COPG2: variants seen among roughly 807,000 people sequenced by gnomAD.
COPG2 encodes the protein coatomer subunit gamma-2.
A neutral mutation model predicts 46.3 loss-of-function variants in COPG2; 37 were observed. The ratio of observed to expected loss-of-function variants is 0.80; its 90% confidence interval spans 0.61 to 1.05. COPG2 has a LOEUF of 1.05. Among genes scored for constraint, COPG2 ranks in the 50% least tolerant of loss-of-function variants. The probability of loss-of-function intolerance (pLI) is 0.00; values close to 1 mark genes in which losing one functional copy is unlikely to be tolerated. For synonymous variants in COPG2, 159 were observed against 129.7 expected, an observed-to-expected ratio of 1.23 and a Z score of -1.53; for missense variants, 427 against 387.8, an observed-to-expected ratio of 1.10 and a Z score of -0.85.
intron 20 of COPG2, among the ~76,000 whole-genome samples, chr7:130,539,387 G>A (rs1799914766): frequency 6.6e-6 from 1 of 152,160 alleles, no homozygotes; most frequent in South Asian, 2.1e-4. Context: ...GGAAGGAAAA[G>A]GCAGCCTAAG....
chr7:130,511,610 C>T (rs1799595892), intron 20 of COPG2: 1 of 518,534 alleles, frequency 1.9e-6, no homozygotes, highest in South Asian at 1.4e-5. Flanking sequence ...TGACACACAT[C>T]AACAGGAAGG....
chr7:130,667,295 C>A (rs1344313667), intron 2 of COPG2, among the ~76,000 whole-genome samples, 187 bp downstream of exon 2: 3 of 152,242 alleles, frequency 2.0e-5, no homozygotes, highest in African/African-American at 7.2e-5. Context: ...CATGTCTTTG[C>A]ATTTCTATAA....
chr7:130,643,431 T>C (rs1481527071), intron 5 of COPG2, among the ~76,000 whole-genome samples: 1 of 152,242 alleles, frequency 6.6e-6, no homozygotes, highest in Admixed American at 6.5e-5. Flanking sequence ...AATGTAAGCA[T>C]GTCAATGCAG....
chr7:130,652,802 T>C (rs1216610802), intron 5 of COPG2, 67 bp downstream of exon 5: 1 of 989,722 alleles, frequency 1.0e-6, no homozygotes, highest in Admixed American at 2.2e-5. Flanking sequence ...GGTCAAAAAA[T>C]GAAATCAACA....
chr7:130,651,054 C>T (rs932907327), intron 5 of COPG2, among the ~76,000 whole-genome samples: 28 of 152,158 alleles, frequency 1.8e-4, no homozygotes, highest in African/African-American at 4.8e-4. Context: ...TTCCATACTA[C>T]TACTGGTTAA....
At chr7:130,529,606 G>A (rs1330101357) in intron 20 of COPG2, among the ~76,000 whole-genome samples, 4 of 152,166 alleles carry the variant, frequency 2.6e-5, no homozygotes, top group Admixed American at 1.3e-4. Flanking sequence ...AGACCACAGA[G>A]GCAGAATGAA....
intron 20 of COPG2, among the ~76,000 whole-genome samples, chr7:130,516,689 G>A (rs962646584): frequency 1.3e-5 from 2 of 152,202 alleles, no homozygotes; most frequent in Non-Finnish European, 2.9e-5. Context: ...ATTAGGAAAT[G>A]AGAGTTGGGA....
chr7:130,580,783 A>C (rs1277725968), intron 9 of COPG2, among the ~76,000 whole-genome samples: 1 of 127,106 alleles, frequency 7.9e-6, no homozygotes, highest in Non-Finnish European at 1.6e-5. Context: ...ACACTCTCCC[A>C]AGACTAAACC....
chr7:130,650,918 C>T (rs1481961287), intron 5 of COPG2, among the ~76,000 whole-genome samples: 1 of 152,164 alleles, frequency 6.6e-6, no homozygotes, highest in Non-Finnish European at 1.5e-5. Context: ...TGAGCCAACA[C>T]CAGCTACTCC....
chr7:130,557,767 A>T (rs1793651172), intron 12 of COPG2, among the ~76,000 whole-genome samples: 1 of 131,452 alleles, frequency 7.6e-6, no homozygotes, highest in Non-Finnish European at 1.6e-5. Flanking sequence ...GAGTGAGCAG[A>T]GATCACGCCG....
chr7:130,523,704 G>A (rs1799747651), intron 20 of COPG2, among the ~76,000 whole-genome samples: 1 of 152,200 alleles, frequency 6.6e-6, no homozygotes, highest in Non-Finnish European at 1.5e-5. Flanking sequence ...GTGAGGCCCA[G>A]AGAAGGGCCC....
At chr7:130,647,744 T>C (rs1463128728) in intron 5 of COPG2, among the ~76,000 whole-genome samples, 3 of 151,802 alleles carry the variant, frequency 2.0e-5, no homozygotes, top group African/African-American at 7.3e-5. Flanking sequence ...TTTTTTTTTT[T>C]TTTCGAGACG....
At chr7:130,509,026 AC>A (rs199649526) in intron 20 of COPG2, 6 of 462,030 alleles carry the variant, frequency 1.3e-5, no homozygotes, top group African/African-American at 6.1e-5. Flanking sequence ...GTAGGACCTG[AC>A]CAAAAAAAAA....
At chr7:130,564,774 T>C (rs1167101867) in intron 9 of COPG2, among the ~76,000 whole-genome samples, 1 of 152,202 alleles carries the variant, frequency 6.6e-6, no homozygotes, top group Non-Finnish European at 1.5e-5. Flanking sequence ...GCCAGCAGCC[T>C]AGCTACAAAA....
intron 5 of COPG2, among the ~76,000 whole-genome samples, chr7:130,641,782 T>C (rs558390246): frequency 2.0e-5 from 3 of 152,196 alleles, no homozygotes; most frequent in African/African-American, 4.8e-5. Context: ...GTATATTTCT[T>C]ACTAAGTGGA....
intron 20 of COPG2, among the ~76,000 whole-genome samples, chr7:130,516,774 T>G (rs1799681584): frequency 6.6e-6 from 1 of 152,182 alleles, no homozygotes; most frequent in Non-Finnish European, 1.5e-5. Flanking sequence ...GGCATAAGGT[T>G]TTGCTGTCCA....
At chr7:130,610,098 G>C (rs1325430469) in intron 9 of COPG2, 1 of 519,118 alleles carries the variant, frequency 1.9e-6, no homozygotes, top group African/African-American at 1.9e-5. Flanking sequence ...CTTGTTTATG[G>C]GTTACATGTC....
rs1390104061 is a variant in COPG2, at chr7:130,507,232, TTTGCAAGAAAATGGAAGGAAAATCTGATG to T, written c.2485+13_2485+41del. 3.8e-6 allele frequency: 3 copies of T among 779,720 alleles called. No homozygotes were observed. The African/African-American group carries it at 5.1e-5, about 13-fold the overall frequency. 48.3% of individuals were successfully genotyped at this position (779,720 alleles called of 1,614,324 possible). A position where few individuals can be genotyped will look rare whatever the true frequency, so the allele number is the denominator to read the frequency against. ...GCCCATCTATATCCTATTATTAAGCTTTGCAAGAAAATGGAAGGAAAATCTGATGGAAGCTTCTTACCTGCCAGATAGAG... is the reference window on the plus strand; with the variant it reads ...GCCCATCTATATCCTATTATTAAGCTGAAGCTTCTTACCTGCCAGATAGAG... On this transcript the variant is annotated intron_variant, in intron 23 of 23. Coordinates refer to ENST00000425248, the MANE Select transcript of COPG2 (RefSeq NM_012133.6).
chr7:130,666,840 A>G lies in COPG2; in HGVS notation c.171+9T>C, dbSNP rs571064492. 1 of 1,295,322 alleles carries G rather than the reference A, an allele frequency of 7.7e-7. No homozygotes were observed. The highest frequency in any genetic ancestry group is 2.3e-5 in the East Asian group (1 of 42,794). The allele number at this position is 1,295,322 out of a possible 1,614,324, so 80.2% of individuals were successfully genotyped here. A position where few individuals can be genotyped will look rare whatever the true frequency, so the allele number is the denominator to read the frequency against. On this transcript the variant is annotated intron_variant, in intron 3 of 23. Coordinates refer to ENST00000425248, the MANE Select transcript of COPG2 (RefSeq NM_012133.6). ...ACACACTTATCTGAGGAAAATAAAA[A>G]TAATATACCTGGTTCAGTAAGTAAA...
Sources: gnomAD v4.1 joint callset for allele counts (sites outside exome capture counted in the v4.1 genomes callset) on GRCh38, gnomAD v4.1.1 for gene constraint, MANE v1.5 for transcripts, NCBI Gene and HGNC (gene_info 2026-07-23, HGNC 2026-07-21) for gene names.